SCN4A: variants seen among roughly 807,000 people sequenced by gnomAD.
SCN4A encodes the protein sodium voltage-gated channel alpha subunit 4.
In SCN4A, 83 loss-of-function variants were observed where a neutral mutation model predicts 162.0. That is an observed-to-expected ratio of 0.51 (90% CI 0.43 to 0.61). SCN4A has a LOEUF of 0.61. Among genes scored for constraint, SCN4A ranks in the 20% least tolerant of loss-of-function variants. SCN4A has a pLI of 0.00. For synonymous variants in SCN4A, 944 were observed against 985.1 expected (o/e 0.96, Z 0.78); for missense variants, 2,196 against 2,462.5 (o/e 0.89, Z 2.29).
intron 5 of SCN4A, among the ~76,000 whole-genome samples, chr17:63,968,634 C>T (rs1909528551): frequency 6.6e-6 from 1 of 152,194 alleles, no homozygotes; most frequent in South Asian, 2.1e-4. Flanking sequence ...CAAAGGCATA[C>T]AGCAGAGCTT....
chr17:63,957,590 A>C, intron 12 of SCN4A, 72 bp from the exon 13 acceptor site: 1 of 1,025,312 alleles, frequency 9.8e-7, no homozygotes, highest in Non-Finnish European at 1.5e-6. Context: ...GCCTTAGGAG[A>C]AAGAACAGTG....
At chr17:63,971,086 T>G (rs1047585461) in intron 5 of SCN4A, 76 bp downstream of exon 5, 8 of 952,038 alleles carry the variant, frequency 8.4e-6, no homozygotes, top group Non-Finnish European at 1.3e-5. Flanking sequence ...GTTGTGACAC[T>G]GAGTCAGGTT....
chr17:63,968,840 T>C (rs545829862), intron 5 of SCN4A, among the ~76,000 whole-genome samples: 58 of 152,324 alleles, frequency 3.8e-4, no homozygotes, highest in African/African-American at 1.3e-3. Context: ...AAACTTTATT[T>C]GTATTTATGT....
chr17:63,943,477 G>A (rs553206067), intron 22 of SCN4A, among the ~76,000 whole-genome samples: 101 of 152,236 alleles, frequency 6.6e-4, no homozygotes, highest in South Asian at 3.9e-3. Flanking sequence ...GTGGGAGGTA[G>A]GTGGGCACTG....
chr17:63,958,086 T>C (rs1909128815), intron 12 of SCN4A, among the ~76,000 whole-genome samples: 2 of 151,428 alleles, frequency 1.3e-5, no homozygotes. Flanking sequence ...ATACAGACTA[T>C]GGCTGGGAGC....
chr17:63,954,677 C>T (rs1182870429), intron 13 of SCN4A, among the ~76,000 whole-genome samples: 1 of 152,306 alleles, frequency 6.6e-6, no homozygotes, highest in Non-Finnish European at 1.5e-5. Context: ...CAGACACCTG[C>T]TTCTCTGAAG....
At position 63,951,107 on chromosome 17, in the gene SCN4A, A is replaced by C. The variant is rs1248153341; in HGVS notation, c.2853+317T>G. Among the ~76,000 whole-genome samples the C allele has an allele frequency of 1.3e-5, 2 of 152,208 alleles. No homozygotes were observed. Among genetic ancestry groups the C allele is most frequent in the Non-Finnish European group, 2.9e-5 (2 of 68,026 alleles). ...TCCTGGTCCTGGAGCTGCGGTGCCC[A>C]GGTAAAAGCAGCATGTCCAAGGGCA... On this transcript the variant is annotated intron_variant, in intron 14 of 23. Transcript: ENST00000435607. This position sits in a 1 kb window ranked among gnomAD's most constrained non-coding sequence, Gnocchi z 4.5.
rs1446468574 is a variant in SCN4A at position 63,972,734 on chromosome 17, C to T, written c.108G>A (p.Glu36=). The change falls in exon 1 of 24, where the codon GAG becomes GAA. Residue 36 remains glutamate, a synonymous_variant. Transcript: ENST00000435607. This position sits in a 1 kb window ranked among gnomAD's most constrained non-coding sequence, Gnocchi z 4.3. The part of the protein sequence containing the change: ...AAIEQRAVEE[E]ARLQRNKQME... ...TCTGCTTATTCCGCTGCAGCCGGGC[C>T]TCCTCCTCCACCGCCCGCTGTTCTA... is the stretch of plus-strand genomic sequence containing the variant. 1.9e-6 allele frequency: 3 copies of T among 1,613,720 alleles called. No homozygotes were observed. The highest frequency in any genetic ancestry group is 1.1e-5 in the South Asian group (1 of 91,032).
Position 63,941,948 on chromosome 17 carries a change from G to A in SCN4A, c.4334C>T (p.Thr1445Met), listed in dbSNP as rs200481981. ...CGCCAGGCGGATCACACGGAACAGC[G>A]TGGGTGACACGAAGTACTTCTGGAT... Reference protein sequence around the residue: ...DLIQKYFVSPTLFRVIRLARI... With the variant: ...DLIQKYFVSPMLFRVIRLARI... The change falls in exon 24 of 24, where the codon ACG becomes ATG. Residue 1445 changes from threonine to methionine, a missense_variant. By Grantham distance (81) the Thr-to-Met change is moderately conservative. Coordinates refer to ENST00000435607, the MANE Select transcript of SCN4A (RefSeq NM_000334.4). This position sits in a 1 kb window ranked among gnomAD's most constrained non-coding sequence, Gnocchi z 6.2. 3.4e-5 allele frequency: 55 copies of A among 1,600,582 alleles called. No homozygotes were observed. In the African/African-American group the frequency reaches 3.5e-4, roughly 10 times the overall value.
In SCN4A at chr17:63,945,098, C is replaced by T. The variant is rs1015990971; in HGVS notation, c.3721-38G>A. 3.1e-6 allele frequency: 5 copies of T among 1,600,790 alleles called. No homozygotes were observed. The African/African-American group carries it at 6.7e-5, about 21-fold the overall frequency. On this transcript the variant is annotated intron_variant, in intron 19 of 23. Transcript: ENST00000435607. The surrounding 1 kb of genome is among the most constrained non-coding windows in gnomAD (Gnocchi z 4.4). ...GGTTGGGGAGTGAGCCGGGGGGCTG[C>T]TCCCTGCTTTCATCATCCATGAGTT...
At chr17:63,943,297 C>G (rs1223149359) in intron 22 of SCN4A, among the ~76,000 whole-genome samples, 2 of 151,772 alleles carry the variant, frequency 1.3e-5, no homozygotes, top group African/African-American at 4.8e-5. Context: ...CCCATCAGAT[C>G]ATGACAGGTC....
Position 63,947,054 on chromosome 17 carries a change from C to A in SCN4A, c.3432G>T (p.Glu1144Asp). 1 of 1,612,912 alleles carries A rather than the reference C, an allele frequency of 6.2e-7. No individual in the cohort carries two copies. The highest frequency in any genetic ancestry group is 8.5e-7 in the Non-Finnish European group (1 of 1,179,600). The stretch of plus-strand genomic sequence containing the variant: ...CCCCTTCAGCACCCACCCTCATGCC[C>A]TCGAATCGGGACAGTGCCCTCAGGG... ...LRPLRALSRF[E>D]GMRVVVNALL... Residue 1144 changes from glutamate to aspartate, a missense_variant, in exon 18 of 24, where the codon GAG becomes GAT. By Grantham distance (45) the Glu-to-Asp change is conservative. Transcript: ENST00000435607.
intron 13 of SCN4A, among the ~76,000 whole-genome samples, chr17:63,955,107 C>T (rs144686586): frequency 1.6e-3 from 248 of 152,318 alleles, no homozygotes; most frequent in African/African-American, 5.6e-3. Context: ...ATCATTATTA[C>T]GATACTGTTG....
intron 13 of SCN4A, among the ~76,000 whole-genome samples, chr17:63,956,026 C>G (rs1397754054): frequency 2.0e-5 from 3 of 152,174 alleles, no homozygotes; most frequent in African/African-American, 4.8e-5. Flanking sequence ...CAGGAGTGAC[C>G]TCCACTGCCA....
In SCN4A at chr17:63,938,576, A is replaced by C. The variant is rs1289755703; in HGVS notation, c.*2195T>G. On this transcript the variant is annotated 3_prime_UTR_variant, in exon 24 of 24. Coordinates refer to ENST00000435607, the MANE Select transcript of SCN4A (RefSeq NM_000334.4). The stretch of plus-strand genomic sequence containing the variant: ...ATACCAGAGGCACCAAGGAGGGTTT[A>C]TTGTAAGAACTGTACAAAGGAGCCC... 2.0e-5 allele frequency: 3 copies of C among 152,596 alleles called. No homozygotes were observed. Among genetic ancestry groups the C allele is most frequent in the African/African-American group, 7.2e-5 (3 of 41,458 alleles). The allele number at this position is 152,596 out of a possible 1,614,324, so 9.5% of individuals were successfully genotyped here. A position where few individuals can be genotyped will look rare whatever the true frequency, so the allele number is the denominator to read the frequency against.
rs1909435942 is a variant in SCN4A, at chr17:63,966,112, AG to A, written c.1231del (p.Leu411SerfsTer4). On this transcript the variant is annotated frameshift_variant, in exon 8 of 24. Transcript: ENST00000435607. LOFTEE classifies it high-confidence loss of function. ...TGGGGGCAGCTGTACCAGCTGGAAG[AG>A]GTTCTCCCAATAGTCCTGTGTCATG... Reference protein sequence around the residue: ...RLMTQDYWENLFQLTLRAAGK... With the variant: ...RLMTQDYWENXFQLTLRAAGK... 1 of 1,582,756 alleles carries A rather than the reference AG, an allele frequency of 6.3e-7. No homozygotes were observed. Among genetic ancestry groups the A allele is most frequent in the African/African-American group, 1.3e-5 (1 of 74,394 alleles).
chr17:63,948,995 G>A lies in SCN4A; in HGVS notation c.2990-230C>T, dbSNP rs535103868. On this transcript the variant is annotated intron_variant, in intron 15 of 23. Coordinates refer to ENST00000435607, the MANE Select transcript of SCN4A (RefSeq NM_000334.4). ...GTCAATGGCTGCTGGGGATGGGCAT[G>A]CAGAGGAAAGGCCTCCTGGCCCCCA... is the stretch of plus-strand genomic sequence containing the variant. Among the ~76,000 whole-genome samples the A allele has an allele frequency of 9.2e-5, 14 of 152,324 alleles. No homozygotes were observed. The East Asian group carries it at 1.7e-3, about 19-fold the overall frequency.
rs1236861277 is a variant in SCN4A at position 63,959,458 on chromosome 17, C to T, written c.1846-20G>A. The T allele has an allele frequency of 6.2e-7, 1 of 1,610,338 alleles. No homozygotes were observed. The highest frequency in any genetic ancestry group is 1.1e-5 in the South Asian group (1 of 90,494). On this transcript the variant is annotated intron_variant, in intron 11 of 23. Transcript: ENST00000435607. ...GAAGACCTAGGGGGTGGCATGAGGC[C>T]CTGTCACAGAGCCTCGGGGAGCCCA...
rs1908654334 is a variant in SCN4A at position 63,944,671 on chromosome 17, A to G, written c.3912+2T>C. 2 of 1,600,796 alleles carry G rather than the reference A, an allele frequency of 1.2e-6. No homozygotes were observed. Among genetic ancestry groups the G allele is most frequent in the Non-Finnish European group, 1.7e-6 (2 of 1,173,654 alleles). On this transcript the variant is annotated splice_donor_variant, in intron 21 of 23. Transcript: ENST00000435607. LOFTEE classifies it high-confidence loss of function. The surrounding 1 kb of genome is among the most constrained non-coding windows in gnomAD (Gnocchi z 4.3). The stretch of plus-strand genomic sequence containing the variant: ...GGCCCGAGGGGCTGGGCTGATACTC[A>G]TCTTCTTCTTCTGCTGGTTGAAGTT...
Sources: gnomAD v4.1 joint callset for allele counts (sites outside exome capture counted in the v4.1 genomes callset) on GRCh38, gnomAD v4.1.1 for gene constraint, Gnocchi (gnomAD v3.1) non-coding constraint, MANE v1.5 for transcripts, NCBI Gene and HGNC (gene_info 2026-07-23, HGNC 2026-07-21) for gene names.